The following EDA variants were observed in gnomAD, a reference collection of about 807,000 sequenced individuals.
The protein encoded by EDA is ectodysplasin-A.
EDA carries 2 observed loss-of-function variants against 23.6 expected under a neutral mutation model. That is an observed-to-expected ratio of 0.08 (90% CI 0.03 to 0.27). EDA has a LOEUF of 0.27. Ranked by LOEUF, EDA falls within the 10% of genes least tolerant of loss-of-function variation. The pLI, the probability that EDA is intolerant of heterozygous loss-of-function variation, is 1.00. For synonymous variants in EDA, 131 were observed against 132.0 expected (o/e 0.99, Z 0.05); for missense variants, 229 against 324.2 (o/e 0.71, Z 2.26).
intron 6 of EDA, among the ~76,000 whole-genome samples, chrX:70,031,183 A>G (rs750503684): frequency 1.8e-5 from 2 of 112,402 alleles, no homozygotes; most frequent in African/African-American, 3.2e-5. Context: ...CAACCACCCT[A>G]TGAGGTAGGT....
chrX:69,969,714 T>C (rs1257741044), intron 2 of EDA, among the ~76,000 whole-genome samples: 1 of 111,866 alleles, frequency 8.9e-6, no homozygotes, highest in East Asian at 2.8e-4. Flanking sequence ...TCCCACCCTG[T>C]AGCATAGTAT....
intron 1 of EDA, among the ~76,000 whole-genome samples, chrX:69,863,737 ATGTATATGTGTG>A: frequency 9.3e-6 from 1 of 107,353 alleles, no homozygotes; most frequent in East Asian, 3.0e-4. Flanking sequence ...ACATATGTGT[ATGTATATGTGTG>A]TGTGTGTATA....
chrX:69,987,599 A>G (rs1432340143), intron 2 of EDA, among the ~76,000 whole-genome samples: 1 of 93,116 alleles, frequency 1.1e-5, no homozygotes, highest in Non-Finnish European at 2.2e-5. Flanking sequence ...ACACTCTAAG[A>G]AAAGCCTGTT....
At chrX:70,032,195 G>T (rs1214215864) in intron 6 of EDA, among the ~76,000 whole-genome samples, 2 of 109,518 alleles carry the variant, frequency 1.8e-5, no homozygotes, top group Non-Finnish European at 3.8e-5. Context: ...GGAGGTGGAG[G>T]TTGCAGTGAG....
intron 1 of EDA, among the ~76,000 whole-genome samples, chrX:69,625,536 A>G (rs1932351752): frequency 9.0e-6 from 1 of 111,069 alleles, no homozygotes; most frequent in Non-Finnish European, 1.9e-5. Context: ...TTTATAATCA[A>G]TTGATTTTTG....
At chrX:69,913,048 A>G (rs2018291302) in intron 1 of EDA, among the ~76,000 whole-genome samples, 2 of 111,849 alleles carry the variant, frequency 1.8e-5, no homozygotes, top group African/African-American at 6.5e-5. Context: ...GATTACAGGC[A>G]TGAGCCACCA....
chrX:69,676,523 T>G (rs1934090082), intron 1 of EDA, among the ~76,000 whole-genome samples: 1 of 108,216 alleles, frequency 9.2e-6, no homozygotes, highest in East Asian at 2.9e-4. Flanking sequence ...CGTGTGCTTG[T>G]GTGTGTGTGT....
chrX:69,826,579 G>C (rs1248160303), intron 1 of EDA, among the ~76,000 whole-genome samples: 1 of 108,453 alleles, frequency 9.2e-6, no homozygotes, highest in African/African-American at 3.4e-5. Flanking sequence ...CTTTTATTTT[G>C]AGCCTATGTG....
chrX:69,908,035 A>G (rs2018204718), intron 1 of EDA, among the ~76,000 whole-genome samples: 1 of 111,799 alleles, frequency 8.9e-6, no homozygotes, highest in African/African-American at 3.2e-5. Flanking sequence ...TCAGAGAGGA[A>G]GGTTGGGAGT....
intron 1 of EDA, among the ~76,000 whole-genome samples, chrX:69,820,100 A>G (rs751736798): frequency 9.0e-6 from 1 of 111,124 alleles, no homozygotes; most frequent in Admixed American, 9.6e-5. Flanking sequence ...CACACCTACA[A>G]CCATTTGATC....
intron 1 of EDA, among the ~76,000 whole-genome samples, chrX:69,883,866 G>T (rs1202984): frequency 0.16 from 17,231 of 109,910 alleles, 1,259 homozygotes; most frequent in Non-Finnish European, 0.23. Context: ...GGAGGCAAAG[G>T]TGGGAGGATC....
chrX:69,865,205 AAAG>A (rs1162215484), intron 1 of EDA, among the ~76,000 whole-genome samples: 1 of 110,568 alleles, frequency 9.0e-6, no homozygotes, highest in African/African-American at 3.3e-5. Context: ...GACAAAGAAA[AAAG>A]AATTTAAAAA....
chrX:69,908,386 A>G (rs369693419), intron 1 of EDA, among the ~76,000 whole-genome samples: 8 of 110,299 alleles, frequency 7.3e-5, no homozygotes, highest in African/African-American at 2.3e-4. Context: ...ATTCATTTCA[A>G]TGTAGAGGGA....
intron 1 of EDA, among the ~76,000 whole-genome samples, chrX:69,935,070 A>T (rs911279677): frequency 1.8e-5 from 2 of 111,791 alleles, no homozygotes; most frequent in Non-Finnish European, 3.8e-5. Context: ...GACTTCTTTC[A>T]ATTAACGTCA....
chrX:69,961,384 A>T (rs2019100744), intron 2 of EDA, among the ~76,000 whole-genome samples: 1 of 112,214 alleles, frequency 8.9e-6, no homozygotes, highest in South Asian at 3.7e-4. Flanking sequence ...AACGGAAGGG[A>T]TGTAGTGATC....
intron 1 of EDA, among the ~76,000 whole-genome samples, chrX:69,857,938 A>T (rs2017295692): frequency 4.5e-5 from 5 of 111,670 alleles, no homozygotes; most frequent in Admixed American, 3.8e-4. Flanking sequence ...CCTTGTAGAG[A>T]TCTTTCACCT....
At chrX:69,929,936 A>G (rs1444293925) in intron 1 of EDA, among the ~76,000 whole-genome samples, 1 of 110,072 alleles carries the variant, frequency 9.1e-6, no homozygotes, top group East Asian at 2.8e-4. Context: ...GCCCAGAAGT[A>G]TCCTGCTTAT....
chrX:69,942,480 G>GT (rs202106154), intron 1 of EDA, among the ~76,000 whole-genome samples: 22 of 108,328 alleles, frequency 2.0e-4, no homozygotes, highest in South Asian at 4.0e-4. Flanking sequence ...GGTAAAAGGT[G>GT]TTTTTTTTTC....
At chrX:69,714,221 TTAAG>T (rs969349246) in intron 1 of EDA, among the ~76,000 whole-genome samples, 2 of 111,549 alleles carry the variant, frequency 1.8e-5, no homozygotes, top group African/African-American at 6.5e-5. Flanking sequence ...TCCTCTTTAG[TTAAG>T]TGTCTCTTCA....
Sources: allele counts gnomAD v4.1 joint callset (sites outside exome capture counted in the v4.1 genomes callset), GRCh38; gene constraint gnomAD v4.1.1; transcripts MANE v1.5; gene names NCBI Gene and HGNC (gene_info 2026-07-23, HGNC 2026-07-21).